Variants in THSD4 observed in about 807,000 individuals in gnomAD.
The protein encoded by THSD4 is thrombospondin type-1 domain-containing protein 4.
In THSD4, 69 loss-of-function variants were observed where a neutral mutation model predicts 119.0. The ratio of observed to expected loss-of-function variants is 0.58; its 90% CI spans 0.48 to 0.71. The LOEUF (loss-of-function observed/expected upper bound fraction) is 0.71, where lower values mean the gene tolerates loss of function less well. Ranked by LOEUF, THSD4 falls within the 30% of genes least tolerant of loss-of-function variation. THSD4 has a pLI of 0.00. For missense variants in THSD4, 1,393 were observed against 1,391.1 expected, an observed-to-expected ratio of 1.00 and a Z score of -0.02; for synonymous variants, 524 against 540.4, an observed-to-expected ratio of 0.97 and a Z score of 0.42.
Position 71,555,907 on chromosome 15 carries a change from G to A in THSD4, c.1153-104623G>A, listed in dbSNP as rs138328386. ...TTACTACAGGAACATTTATTGAATA[G>A]TCTTTCCCTTTCAACAAATTTCCAG... On this transcript the variant is annotated intron_variant, in intron 7 of 17. Transcript: ENST00000261862. Among the ~76,000 whole-genome samples the A allele has an allele frequency of 1.2e-3, 183 of 152,212 alleles. 3 individuals are homozygous for A. The highest frequency in any genetic ancestry group is 4.2e-3 in the African/African-American group (173 of 41,540).
At chr15:71,762,650 G>T (rs2053646214) in intron 15 of THSD4, among the ~76,000 whole-genome samples, 2 of 152,314 alleles carry the variant, frequency 1.3e-5, no homozygotes, top group East Asian at 1.9e-4. Flanking sequence ...GCAGCTTGTG[G>T]CTCTTCTCCT....
intron 7 of THSD4, among the ~76,000 whole-genome samples, chr15:71,570,432 A>G (rs983825737): frequency 4.7e-5 from 7 of 147,786 alleles, no homozygotes; most frequent in African/African-American, 1.8e-4. Context: ...TTTGAGATGG[A>G]GTCTTGTTAT....
chr15:71,459,344 CTG>C lies in THSD4; in HGVS notation c.1152+47523_1152+47524del, dbSNP rs200055048. ...CAACTATCTCTCTCTCTCTGTCTCT[CTG>C]TCTCTCTCTCTCTCTCTGTCTCTCT... On this transcript the variant is annotated intron_variant, in intron 7 of 17. Coordinates refer to ENST00000261862, the MANE Select transcript of THSD4 (RefSeq NM_024817.3). Among the ~76,000 whole-genome samples the C allele has an allele frequency of 1.4e-3, 198 of 144,488 alleles. 4 individuals carry two copies. The South Asian group carries it at 0.019, about 14-fold the overall frequency. The allele number at this position is 144,488 out of a possible 152,430, so 94.8% of individuals were successfully genotyped here. A position where few individuals can be genotyped will look rare whatever the true frequency, so the allele number is the denominator to read the frequency against.
chr15:71,632,859 C>G (rs535766464), intron 7 of THSD4, among the ~76,000 whole-genome samples: 16 of 152,228 alleles, frequency 1.1e-4, no homozygotes, highest in African/African-American at 3.9e-4. Context: ...CAGAGGCTGA[C>G]GATAAAGGCT....
intron 3 of THSD4, chr15:71,164,783 T>C: frequency 1.3e-6 from 2 of 1,595,836 alleles, no homozygotes; most frequent in Non-Finnish European, 1.7e-6. Context: ...TTCATCATCA[T>C]CATCTTCTTC....
intron 6 of THSD4, among the ~76,000 whole-genome samples, chr15:71,371,041 C>G (rs2046039877): frequency 2.0e-5 from 3 of 152,156 alleles, no homozygotes; most frequent in Non-Finnish European, 2.9e-5. Flanking sequence ...TAATGGCCTT[C>G]TTTGTCTCTT....
At chr15:71,764,624 A>G (rs2053684004) in intron 15 of THSD4, among the ~76,000 whole-genome samples, 1 of 152,238 alleles carries the variant, frequency 6.6e-6, no homozygotes, top group Non-Finnish European at 1.5e-5. Flanking sequence ...CTAAGAGAAT[A>G]ACAGATAAGA....
intron 7 of THSD4, among the ~76,000 whole-genome samples, chr15:71,645,026 C>G (rs1280737800): frequency 6.6e-6 from 1 of 152,140 alleles, no homozygotes; most frequent in East Asian, 1.9e-4. Context: ...GGCTGTTTTT[C>G]TATCATTATT....
intron 7 of THSD4, among the ~76,000 whole-genome samples, chr15:71,524,240 C>T (rs2048483292): frequency 1.3e-5 from 2 of 152,208 alleles, no homozygotes; most frequent in South Asian, 4.1e-4. Flanking sequence ...TTAAAGATAG[C>T]CACAGGGACT....
Position 71,485,271 on chromosome 15 carries a change from A to G in THSD4, c.1152+73448A>G, listed in dbSNP as rs1224267794. Among the ~76,000 whole-genome samples, 2 of 152,194 alleles carry G rather than the reference A, an allele frequency of 1.3e-5. 1 individual carries two copies. Among genetic ancestry groups the G allele is most frequent in the Non-Finnish European group, 2.9e-5 (2 of 68,030 alleles). On this transcript the variant is annotated intron_variant, in intron 7 of 17. Coordinates refer to ENST00000261862, the MANE Select transcript of THSD4 (RefSeq NM_024817.3). ...AGCCTTAGATGAGGGACCTTAAGAA[A>G]TGAGTTCTAGGCCAAGCTCTGCCCC...
chr15:71,244,413 A>G (rs1425288756), intron 5 of THSD4, among the ~76,000 whole-genome samples: 2 of 152,200 alleles, frequency 1.3e-5, no homozygotes, highest in Non-Finnish European at 2.9e-5. Flanking sequence ...ATTAGCTTCA[A>G]TTTCCTCATT....
At chr15:71,469,551 C>A (rs536840566) in intron 7 of THSD4, among the ~76,000 whole-genome samples, 1 of 152,274 alleles carries the variant, frequency 6.6e-6, no homozygotes, top group East Asian at 1.9e-4. Context: ...CTTCTGAGAG[C>A]CCCCTTCCGG....
At chr15:71,505,801 C>T (rs747850175) in intron 7 of THSD4, among the ~76,000 whole-genome samples, 33 of 152,228 alleles carry the variant, frequency 2.2e-4, no homozygotes, top group African/African-American at 6.3e-4. Flanking sequence ...GATACCCATG[C>T]GATTAATAGT....
chr15:71,624,050 G>T (rs756739857), intron 7 of THSD4, among the ~76,000 whole-genome samples: 51 of 152,208 alleles, frequency 3.4e-4, no homozygotes, highest in Non-Finnish European at 5.0e-4. Flanking sequence ...TCTGCAGGAG[G>T]TCTACTAGGG....
At chr15:71,225,991 G>C (rs530412405) in intron 4 of THSD4, among the ~76,000 whole-genome samples, 145 of 151,922 alleles carry the variant, frequency 9.5e-4, no homozygotes, top group African/African-American at 3.3e-3. Context: ...CCTTTTGCTA[G>C]TCTCTTCTTG....
chr15:71,350,200 G>A (rs942585595), intron 6 of THSD4, among the ~76,000 whole-genome samples: 30 of 148,416 alleles, frequency 2.0e-4, no homozygotes, highest in African/African-American at 6.7e-4. Flanking sequence ...ATATATTAAT[G>A]TAAACTTCAT....
chr15:71,758,195 C>T (rs568353068), intron 15 of THSD4, 120 bp downstream of exon 15: 1 of 1,207,346 alleles, frequency 8.3e-7, no homozygotes, highest in Admixed American at 2.9e-5. Context: ...GTGCCACTGT[C>T]TATCTGTGAC....
rs142208443 is a variant in THSD4 at position 71,257,779 on chromosome 15, A to G, written c.1015+1064A>G. On this transcript the variant is annotated intron_variant, in intron 6 of 17. Transcript: ENST00000261862. ...TCTGTGCAGTGTTCTCAGAGACTCC[A>G]TAGCTTCTATTAGATTCTCAGAGTG... Among the ~76,000 whole-genome samples, 124 of 152,278 alleles carry G rather than the reference A, an allele frequency of 8.1e-4. 1 individual carries two copies. Among genetic ancestry groups the G allele is most frequent in the African/African-American group, 2.9e-3 (120 of 41,558 alleles).
chr15:71,598,402 G>C (rs2049945442), intron 7 of THSD4, among the ~76,000 whole-genome samples: 1 of 152,158 alleles, frequency 6.6e-6, no homozygotes, highest in African/African-American at 2.4e-5. Context: ...GATGGGTACT[G>C]AGACAAGGAA....
Sources: gnomAD v4.1 joint callset for allele counts (sites outside exome capture counted in the v4.1 genomes callset) on GRCh38, gnomAD v4.1.1 for gene constraint, MANE v1.5 for transcripts, NCBI Gene and HGNC (gene_info 2026-07-23, HGNC 2026-07-21) for gene names.